PRKCH: variants seen among roughly 807,000 people sequenced by gnomAD.
The protein encoded by PRKCH is protein kinase C eta.
Under a neutral mutation model 82.5 loss-of-function variants are expected in PRKCH, and 28 were observed. The ratio of observed to expected loss-of-function variants is 0.34; its 90% confidence interval spans 0.25 to 0.47. The LOEUF (loss-of-function observed/expected upper bound fraction) is 0.47. PRKCH is among the 20% of genes least tolerant of loss of function. PRKCH has a pLI of 1.00. For missense variants in PRKCH, 705 were observed against 881.8 expected (o/e 0.80, Z 2.54); for synonymous variants, 322 against 327.4 (o/e 0.98, Z 0.18).
At chr14:61,335,393 T>G (rs899019869) in intron 1 of PRKCH, among the ~76,000 whole-genome samples, 10 of 152,166 alleles carry the variant, frequency 6.6e-5, no homozygotes, top group African/African-American at 2.4e-4. Context: ...CTCATAAATA[T>G]TAATGGAAAG....
chr14:61,322,633 G>C (rs2045643231), intron 1 of PRKCH, 169 bp downstream of exon 1: 3 of 880,646 alleles, frequency 3.4e-6, no homozygotes, highest in Non-Finnish European at 5.0e-6. Flanking sequence ...GACCGCGGTG[G>C]GTGTGTGCAG....
chr14:61,484,449 C>G (rs1886118708), intron 9 of PRKCH, among the ~76,000 whole-genome samples: 1 of 151,818 alleles, frequency 6.6e-6, no homozygotes, highest in Admixed American at 6.6e-5. Context: ...GTGAGGAAAC[C>G]CATTTATCTT....
chr14:61,490,117 C>G (rs541691868), intron 10 of PRKCH, among the ~76,000 whole-genome samples: 116 of 152,314 alleles, frequency 7.6e-4, no homozygotes, highest in Non-Finnish European at 6.2e-4. Context: ...TGTTGGCATG[C>G]TGGGTGCACG....
At chr14:61,377,862 G>A (rs2046445688) in intron 1 of PRKCH, among the ~76,000 whole-genome samples, 1 of 152,098 alleles carries the variant, frequency 6.6e-6, no homozygotes, top group Non-Finnish European at 1.5e-5. Flanking sequence ...CATTCATCTA[G>A]TAGACAAAAT....
chr14:61,413,408 C>G (rs931340086), intron 2 of PRKCH, among the ~76,000 whole-genome samples: 733 of 30,356 alleles, frequency 0.024, 45 homozygotes, highest in African/African-American at 0.034. Context: ...TAAGCGCCCC[C>G]CCCCCGCCCC....
At chr14:61,244,523 A>C (rs939425008) in intron 1 of PRKCH, among the ~76,000 whole-genome samples, 3 of 152,222 alleles carry the variant, frequency 2.0e-5, no homozygotes, top group Non-Finnish European at 2.9e-5. Flanking sequence ...TGGCTGCTAA[A>C]TAACAGATGA....
At chr14:61,360,977 T>A (rs554032484) in intron 1 of PRKCH, 1 of 152,360 alleles carries the variant, frequency 6.6e-6, no homozygotes, top group East Asian at 1.9e-4. Context: ...CTACAGTAGC[T>A]ACGCACGGAA....
At chr14:61,218,434 G>A (rs1258335382) in intron 1 of PRKCH, among the ~76,000 whole-genome samples, 1 of 152,140 alleles carries the variant, frequency 6.6e-6, no homozygotes, top group East Asian at 1.9e-4. Context: ...TCATTGTTGG[G>A]ATAAGAAGCT....
chr14:61,338,549 A>G (rs2045888010), intron 1 of PRKCH, among the ~76,000 whole-genome samples: 1 of 152,170 alleles, frequency 6.6e-6, no homozygotes, highest in Non-Finnish European at 1.5e-5. Context: ...TGGATTTCAA[A>G]ATGGGAAAAA....
intron 1 of PRKCH, among the ~76,000 whole-genome samples, chr14:61,238,252 GC>G (rs2044807397): frequency 6.6e-6 from 1 of 152,124 alleles, no homozygotes; most frequent in African/African-American, 2.4e-5. Context: ...GTGTCAAGGA[GC>G]CCTGGAAATT....
intron 1 of PRKCH, among the ~76,000 whole-genome samples, chr14:61,371,596 C>T (rs992661815): frequency 6.6e-6 from 1 of 152,042 alleles, no homozygotes; most frequent in Non-Finnish European, 1.5e-5. Context: ...AGGCATAGTA[C>T]CACATTTCAT....
At chr14:61,294,151 C>T (rs905572343) in intron 1 of PRKCH, among the ~76,000 whole-genome samples, 1 of 151,706 alleles carries the variant, frequency 6.6e-6, no homozygotes, top group Non-Finnish European at 1.5e-5. Flanking sequence ...GACAGAGTCT[C>T]GCTCTGTCGC....
chr14:61,353,689 G>A (rs1484282149), intron 1 of PRKCH: 2 of 152,300 alleles, frequency 1.3e-5, no homozygotes, highest in Admixed American at 6.6e-5. Context: ...CCAGCACTTT[G>A]GGAGGCTGAG....
chr14:61,515,736 T>C (rs964260556), intron 10 of PRKCH, among the ~76,000 whole-genome samples: 2 of 152,178 alleles, frequency 1.3e-5, no homozygotes, highest in Admixed American at 6.5e-5. Context: ...TAGGCATACC[T>C]GCCCAAAATG....
At chr14:61,283,782 T>C (rs901830826) in intron 1 of PRKCH, among the ~76,000 whole-genome samples, 2 of 152,028 alleles carry the variant, frequency 1.3e-5, no homozygotes, top group Non-Finnish European at 2.9e-5. Flanking sequence ...CAGGGAGTTA[T>C]GATTGCGCCA....
rs578042927 is a variant in PRKCH, at chr14:61,380,189, G to A, written c.364-11036G>A. 3.3e-5 allele frequency among the ~76,000 whole-genome samples: 5 copies of A among 152,186 alleles called. No individual in the cohort carries two copies. In the East Asian group the frequency reaches 5.8e-4, roughly 18 times the overall value. On this transcript the variant is annotated intron_variant, in intron 1 of 13. Transcript: ENST00000332981. ...TCCTCCCACCTCAACCTCCCAAGCAGCTGGGACTACAGGTGCATGCCACCA... is the reference window on the plus strand; with the variant it reads ...TCCTCCCACCTCAACCTCCCAAGCAACTGGGACTACAGGTGCATGCCACCA...
chr14:61,403,896 G>A lies in PRKCH; in HGVS notation c.427+12608G>A, dbSNP rs573894474. ...ATTCTCTCTATGGAACTGAGGTTTG[G>A]GTAAAACAAGAATGATTTAATTTTT... On this transcript the variant is annotated intron_variant, in intron 2 of 13. Coordinates refer to ENST00000332981, the MANE Select transcript of PRKCH (RefSeq NM_006255.5). Among the ~76,000 whole-genome samples the A allele has an allele frequency of 5.3e-5, 8 of 152,036 alleles. No individual in the cohort carries two copies. The South Asian group carries it at 1.7e-3, about 32-fold the overall frequency.
intron 8 of PRKCH, 40 bp from the exon 9 acceptor site, chr14:61,457,466 A>G (rs757709240): frequency 4.4e-6 from 7 of 1,606,338 alleles, no homozygotes; most frequent in South Asian, 1.1e-5. Flanking sequence ...AAGACCCCCA[A>G]GAGGACTCCC....
chr14:61,512,904 A>C (rs1827074716), intron 10 of PRKCH, among the ~76,000 whole-genome samples: 1 of 150,714 alleles, frequency 6.6e-6, no homozygotes, highest in African/African-American at 2.5e-5. Flanking sequence ...ATATCCTCAA[A>C]CTCCTGGATT....
Sources: gnomAD v4.1 joint callset for allele counts (sites outside exome capture counted in the v4.1 genomes callset) on GRCh38, gnomAD v4.1.1 for gene constraint, MANE v1.5 for transcripts, NCBI Gene and HGNC (gene_info 2026-07-23, HGNC 2026-07-21) for gene names.